ANKIB1: variants seen among roughly 807,000 people sequenced by gnomAD.
ANKIB1 encodes ankyrin repeat and IBR domain containing 1, also known as ankyrin repeat and IBR domain-containing protein 1.
In ANKIB1, 43 loss-of-function variants were observed where a neutral mutation model predicts 122.1. The ratio of observed to expected loss-of-function variants is 0.35; its 90% CI spans 0.28 to 0.45. The LOEUF is 0.45. Among genes scored for constraint, ANKIB1 ranks in the 20% least tolerant of loss-of-function variants. The pLI is 1.00. For synonymous variants in ANKIB1, 390 were observed against 442.0 expected, an observed-to-expected ratio of 0.88 and a Z score of 1.48; for missense variants, 992 against 1,329.5, an observed-to-expected ratio of 0.75 and a Z score of 3.95.
chr7:92,279,565 G>T (rs1030975979), intron 1 of ANKIB1, among the ~76,000 whole-genome samples: 1 of 152,136 alleles, frequency 6.6e-6, no homozygotes, highest in African/African-American at 2.4e-5. Context: ...TCCTAAATTT[G>T]CAGCAGTCCC....
At chr7:92,325,505 A>G (rs1433998698) in intron 4 of ANKIB1, among the ~76,000 whole-genome samples, 2 of 152,238 alleles carry the variant, frequency 1.3e-5, no homozygotes, top group Non-Finnish European at 1.5e-5. Flanking sequence ...TCCCAAGCTA[A>G]GCTCATGGAT....
At chr7:92,331,783 C>G (rs2131962761) in intron 5 of ANKIB1, among the ~76,000 whole-genome samples, 1 of 152,226 alleles carries the variant, frequency 6.6e-6, no homozygotes, top group East Asian at 1.9e-4. Flanking sequence ...CGTGGCCATA[C>G]CTAACTGCAA....
At chr7:92,364,604 T>C (rs1804030267) in intron 10 of ANKIB1, among the ~76,000 whole-genome samples, 1 of 152,176 alleles carries the variant, frequency 6.6e-6, no homozygotes, top group Non-Finnish European at 1.5e-5. Flanking sequence ...TCTTTATATA[T>C]TTCTTTAGAA....
Position 92,400,498 on chromosome 7 carries a change from C to CT in ANKIB1, c.*1550dup, listed in dbSNP as rs1562803918. 6.6e-6 allele frequency: 1 copy of CT among 152,212 alleles called. No homozygotes were observed. Among genetic ancestry groups the CT allele is most frequent in the East Asian group, 1.9e-4 (1 of 5,190 alleles). 9.4% of individuals were successfully genotyped at this position (152,212 alleles called of 1,614,324 possible). On this transcript the variant is annotated 3_prime_UTR_variant, in exon 20 of 20. Coordinates refer to ENST00000265742, the MANE Select transcript of ANKIB1 (RefSeq NM_019004.2). Reference sequence around the variant, plus strand: ...GTCTACAGATACCAAACTTTCAGTTCTGAGTTTGTACAGGCAAGTCCTGGG... The same window carrying CT: ...GTCTACAGATACCAAACTTTCAGTTCTTGAGTTTGTACAGGCAAGTCCTGGG...
At chr7:92,280,419 A>G (rs1585085717) in intron 1 of ANKIB1, among the ~76,000 whole-genome samples, 1 of 151,740 alleles carries the variant, frequency 6.6e-6, no homozygotes, top group African/African-American at 2.4e-5. Context: ...TTGGTGTAGC[A>G]GCAGCTAGGC....
intron 6 of ANKIB1, among the ~76,000 whole-genome samples, chr7:92,343,639 C>G (rs1185599250): frequency 6.6e-6 from 1 of 152,122 alleles, no homozygotes; most frequent in Non-Finnish European, 1.5e-5. Flanking sequence ...CAAGACTAGC[C>G]TGGGCAACAT....
chr7:92,316,161 G>A (rs950045088), intron 3 of ANKIB1, among the ~76,000 whole-genome samples: 5 of 152,160 alleles, frequency 3.3e-5, no homozygotes, highest in Non-Finnish European at 4.4e-5. Context: ...CCATATTTAA[G>A]TAAAATATTC....
At chr7:92,259,234 G>A (rs535722946) in intron 1 of ANKIB1, among the ~76,000 whole-genome samples, 12 of 152,154 alleles carry the variant, frequency 7.9e-5, no homozygotes, top group Non-Finnish European at 1.8e-4. Flanking sequence ...GGGATTACAG[G>A]CGTGAGCCAC....
At chr7:92,349,242 A>G (rs1488600770) in intron 7 of ANKIB1, among the ~76,000 whole-genome samples, 2 of 152,174 alleles carry the variant, frequency 1.3e-5, no homozygotes, top group Non-Finnish European at 1.5e-5. Context: ...TCTCCCTTTC[A>G]CAGAAGTGAG....
chr7:92,248,936 G>A (rs1357319648), intron 1 of ANKIB1, among the ~76,000 whole-genome samples: 8 of 129,778 alleles, frequency 6.2e-5, no homozygotes, highest in Non-Finnish European at 1.2e-4. Flanking sequence ...TGCCAAGGCT[G>A]GAGTGCAGTG....
chr7:92,267,300 G>A (rs1197808302), intron 1 of ANKIB1, among the ~76,000 whole-genome samples: 1 of 152,066 alleles, frequency 6.6e-6, no homozygotes, highest in Non-Finnish European at 1.5e-5. Context: ...TATTCACAAA[G>A]TGAACACAAC....
At chr7:92,255,647 C>G (rs1306363722) in intron 1 of ANKIB1, among the ~76,000 whole-genome samples, 3 of 152,056 alleles carry the variant, frequency 2.0e-5, no homozygotes, top group Non-Finnish European at 2.9e-5. Context: ...ATAACAAGTT[C>G]TTATGAAATA....
chr7:92,321,052 A>G (rs1802901628), intron 4 of ANKIB1, among the ~76,000 whole-genome samples: 1 of 152,124 alleles, frequency 6.6e-6, no homozygotes, highest in African/African-American at 2.4e-5. Context: ...CGTTCTTTCT[A>G]AAATAGGTCT....
chr7:92,356,739 ATTTAGCT>A (rs926890627), intron 9 of ANKIB1, among the ~76,000 whole-genome samples: 1 of 152,204 alleles, frequency 6.6e-6, no homozygotes, highest in African/African-American at 2.4e-5. Context: ...ACCAAAAACT[ATTTAGCT>A]TCAAATTTTA....
At chr7:92,316,455 G>C (rs957223499) in intron 3 of ANKIB1, among the ~76,000 whole-genome samples, 1 of 152,190 alleles carries the variant, frequency 6.6e-6, no homozygotes, top group South Asian at 2.1e-4. Flanking sequence ...GCTGTCAGCT[G>C]TCTTCCATGC....
At chr7:92,298,795 T>G (rs1210711131) in intron 2 of ANKIB1, among the ~76,000 whole-genome samples, 1 of 149,040 alleles carries the variant, frequency 6.7e-6, no homozygotes, top group Non-Finnish European at 1.5e-5. Flanking sequence ...AAAAGCAGTT[T>G]CCCCTAAAAA....
intron 12 of ANKIB1, 53 bp downstream of exon 12, chr7:92,386,696 G>T: frequency 7.1e-7 from 1 of 1,404,358 alleles, no homozygotes. Flanking sequence ...CACTGCCACT[G>T]GAATTATTTT....
chr7:92,352,165 A>AT (rs1803679329), intron 8 of ANKIB1, among the ~76,000 whole-genome samples: 1 of 152,228 alleles, frequency 6.6e-6, no homozygotes, highest in Non-Finnish European at 1.5e-5. Context: ...ATGAGAAAAC[A>AT]TTTTAAAATT....
intron 1 of ANKIB1, among the ~76,000 whole-genome samples, chr7:92,261,062 T>C (rs1413924357): frequency 6.6e-6 from 1 of 152,102 alleles, no homozygotes; most frequent in African/African-American, 2.4e-5. Context: ...AATTACTATG[T>C]TTTTTGGCCG....
Sources: allele counts gnomAD v4.1 joint callset (sites outside exome capture counted in the v4.1 genomes callset), GRCh38; gene constraint gnomAD v4.1.1; transcripts MANE v1.5; gene names NCBI Gene and HGNC (gene_info 2026-07-23, HGNC 2026-07-21).